The following OSBPL2 variants were observed in gnomAD, a reference collection of about 807,000 sequenced individuals.
OSBPL2 encodes oxysterol-binding protein-related protein 2.
In OSBPL2, 18 loss-of-function variants were observed where a neutral mutation model predicts 58.4. The ratio of observed to expected loss-of-function variants is 0.31; its 90% CI spans 0.21 to 0.46. The LOEUF (loss-of-function observed/expected upper bound fraction) is 0.46, where lower values mean the gene tolerates loss of function less well. Ranked by LOEUF, OSBPL2 falls within the 20% of genes least tolerant of loss-of-function variation. The pLI, the probability that OSBPL2 is intolerant of heterozygous loss-of-function variation, is 1.00. For missense variants in OSBPL2, 461 were observed against 616.5 expected (o/e 0.75, Z 2.67); for synonymous variants, 221 against 234.1 (o/e 0.94, Z 0.51).
chr20:62,249,629 C>T (rs1980387979), intron 1 of OSBPL2, among the ~76,000 whole-genome samples: 1 of 152,186 alleles, frequency 6.6e-6, no homozygotes, highest in South Asian at 2.1e-4. Flanking sequence ...GGCTGGAGTG[C>T]AGTGGCGCGA....
chr20:62,251,549 C>A (rs1303988158), intron 1 of OSBPL2, among the ~76,000 whole-genome samples: 3 of 151,992 alleles, frequency 2.0e-5, no homozygotes, highest in Non-Finnish European at 4.4e-5. Flanking sequence ...GCTGGTATTA[C>A]AGGCATGCGC....
intron 4 of OSBPL2, among the ~76,000 whole-genome samples, 158 bp from the exon 5 acceptor site, chr20:62,271,967 C>T (rs1358798621): frequency 6.6e-6 from 1 of 152,092 alleles, no homozygotes; most frequent in Non-Finnish European, 1.5e-5. Flanking sequence ...AGGGCAGGGC[C>T]GATGGGGCAG....
In OSBPL2 at chr20:62,269,824, A is replaced by G. The variant is rs2145947977; in HGVS notation, c.259-2301A>G. 6.6e-6 allele frequency among the ~76,000 whole-genome samples: 1 copy of G among 152,298 alleles called. No individual in the cohort carries two copies. Among genetic ancestry groups the G allele is most frequent in the East Asian group, 1.9e-4 (1 of 5,180 alleles). On this transcript the variant is annotated intron_variant, in intron 4 of 13. Transcript: ENST00000313733. The surrounding 1 kb of genome is among the most constrained non-coding windows in gnomAD (Gnocchi z 4.2). Reference sequence around the variant, plus strand: ...TCTTCCTGCTTTCCTCGGCAGCCACATTCCCTTGTGCAGTCTTGGCCACAC... The same window carrying G: ...TCTTCCTGCTTTCCTCGGCAGCCACGTTCCCTTGTGCAGTCTTGGCCACAC...
intron 8 of OSBPL2, 197 bp from the exon 9 acceptor site, chr20:62,281,593 T>A: frequency 1.8e-6 from 1 of 552,432 alleles, no homozygotes. Context: ...AAGTGATTTT[T>A]AGTAAATTGA....
intron 2 of OSBPL2, chr20:62,259,201 C>G (rs967435620): frequency 6.6e-6 from 1 of 152,354 alleles, no homozygotes; most frequent in African/African-American, 2.4e-5. Context: ...CCCCACTCCA[C>G]CCGGCTCTGG....
intron 2 of OSBPL2, 23 bp from the exon 3 acceptor site, chr20:62,259,958 G>T: frequency 2.5e-6 from 4 of 1,604,788 alleles, no homozygotes; most frequent in South Asian, 1.1e-5. Flanking sequence ...CAGCGAAAAT[G>T]ACCATTTTCT....
At chr20:62,243,922 A>G (rs552263565) in intron 1 of OSBPL2, among the ~76,000 whole-genome samples, 5 of 151,588 alleles carry the variant, frequency 3.3e-5, no homozygotes, top group Non-Finnish European at 5.9e-5. Context: ...CCTTGGTTTG[A>G]AGCCCTGCCT....
At chr20:62,241,692 T>C (rs1203280549) in intron 1 of OSBPL2, among the ~76,000 whole-genome samples, 1 of 152,244 alleles carries the variant, frequency 6.6e-6, no homozygotes, top group Non-Finnish European at 1.5e-5. Context: ...GTAAGACGGA[T>C]TACTATGTGG....
chr20:62,261,984 C>T (rs1981342669), intron 3 of OSBPL2, among the ~76,000 whole-genome samples: 1 of 152,080 alleles, frequency 6.6e-6, no homozygotes, highest in Non-Finnish European at 1.5e-5. Flanking sequence ...GTCTTGACCT[C>T]CTCAAGTGAT....
chr20:62,251,670 A>G, intron 1 of OSBPL2, among the ~76,000 whole-genome samples: 1 of 151,546 alleles, frequency 6.6e-6, no homozygotes, highest in South Asian at 2.1e-4. Flanking sequence ...GGCCTCCCAA[A>G]GTGCTGGGAT....
At chr20:62,247,102 A>C (rs1194696096) in intron 1 of OSBPL2, among the ~76,000 whole-genome samples, 1 of 152,144 alleles carries the variant, frequency 6.6e-6, no homozygotes, top group Non-Finnish European at 1.5e-5. Flanking sequence ...AGCCTGACCT[A>C]GTTCTGCTCT....
At chr20:62,285,827 C>A (rs1983082159) in intron 10 of OSBPL2, 1 of 152,294 alleles carries the variant, frequency 6.6e-6, no homozygotes, top group African/African-American at 2.4e-5. Flanking sequence ...AAACGCCTGG[C>A]CACTGACTTC....
At chr20:62,272,061 C>T (rs1982097622) in intron 4 of OSBPL2, 64 bp from the exon 5 acceptor site, 1 of 1,586,618 alleles carries the variant, frequency 6.3e-7, no homozygotes, top group Non-Finnish European at 8.6e-7. Context: ...AGAGCAGGGG[C>T]ATCGGGCAGC....
intron 3 of OSBPL2, among the ~76,000 whole-genome samples, chr20:62,262,649 C>T (rs1325001796): frequency 6.6e-6 from 1 of 152,198 alleles, no homozygotes; most frequent in Non-Finnish European, 1.5e-5. Flanking sequence ...CCCCTGACAC[C>T]AGTAGTGTGC....
rs116764543 is a variant in OSBPL2 at position 62,286,540 on chromosome 20, G to A, written c.997-43G>A. The A allele has an allele frequency of 2.1e-3, 3,298 of 1,582,098 alleles. 66 individuals are homozygous for A. The African/African-American group carries it at 0.04, about 19-fold the overall frequency. On this transcript the variant is annotated intron_variant, in intron 10 of 13. Transcript: ENST00000313733. ...AATAGCTGTCCTCCTGGCCAAGAGC[G>A]GCCTGGCCCCGGGCAGCCACACAGC... is the stretch of plus-strand genomic sequence containing the variant.
chr20:62,255,667 A>G (rs919434112), intron 1 of OSBPL2, among the ~76,000 whole-genome samples: 2 of 151,812 alleles, frequency 1.3e-5, no homozygotes, highest in East Asian at 1.9e-4. Context: ...CCACGCCTGT[A>G]TAATTTTTGT....
intron 6 of OSBPL2, among the ~76,000 whole-genome samples, chr20:62,275,544 C>G (rs1045627173): frequency 2.0e-5 from 3 of 152,094 alleles, no homozygotes; most frequent in African/African-American, 7.2e-5. Context: ...ACCTCCTGGG[C>G]TCAAGTTATC....
Position 62,245,100 on chromosome 20 carries a change from C to CTT in OSBPL2, c.-129+6517_-129+6518dup, listed in dbSNP as rs398040809. 1.1e-3 allele frequency among the ~76,000 whole-genome samples: 155 copies of CTT among 143,648 alleles called. 1 individual carries two copies. Among genetic ancestry groups the CTT allele is most frequent in the Admixed American group, 1.8e-3 (26 of 14,378 alleles). The allele number at this position is 143,648 out of a possible 152,430, so 94.2% of individuals were successfully genotyped here. A position where few individuals can be genotyped will look rare whatever the true frequency, so the allele number is the denominator to read the frequency against. On this transcript the variant is annotated intron_variant, in intron 1 of 13. Coordinates refer to ENST00000313733, the MANE Select transcript of OSBPL2 (RefSeq NM_144498.4). ...TTAGGATAAAGGGCTGAAATCTGTTCTTTTTTTTTTTTTTTGAGACGGTGT... is the reference window on the plus strand; with the variant it reads ...TTAGGATAAAGGGCTGAAATCTGTTCTTTTTTTTTTTTTTTTTGAGACGGTGT...
intron 12 of OSBPL2, 84 bp from the exon 13 acceptor site, chr20:62,291,619 C>A: frequency 9.0e-7 from 1 of 1,114,370 alleles, no homozygotes. Flanking sequence ...TGAGACATGC[C>A]AACTAGAGAT....
Sources: allele counts gnomAD v4.1 joint callset (sites outside exome capture counted in the v4.1 genomes callset), GRCh38; gene constraint gnomAD v4.1.1; non-coding constraint Gnocchi (gnomAD v3.1); transcripts MANE v1.5; gene names NCBI Gene and HGNC (gene_info 2026-07-23, HGNC 2026-07-21).